Variants in DOCK7 observed in about 807,000 individuals in gnomAD.
DOCK7 encodes the protein dedicator of cytokinesis protein 7.
In DOCK7, 138 loss-of-function variants were observed where a neutral mutation model predicts 271.0. The observed-to-expected ratio is 0.51, with a 90% CI of 0.44 to 0.59. The LOEUF is 0.59. Ranked by LOEUF, DOCK7 falls within the 20% of genes least tolerant of loss-of-function variation. DOCK7 has a pLI of 0.00. For missense variants in DOCK7, 2,066 were observed against 2,592.4 expected (o/e 0.80, Z 4.41); for synonymous variants, 823 against 876.1 (o/e 0.94, Z 1.07).
At chr1:62,529,255 T>G (rs1319415118) in intron 30 of DOCK7, 22 bp downstream of exon 30, 3 of 1,549,800 alleles carry the variant, frequency 1.9e-6, no homozygotes, top group Non-Finnish European at 2.6e-6. Context: ...CCTTTAATAT[T>G]TGCCTTAATT....
intron 43 of DOCK7, chr1:62,483,176 T>TC (rs1646182304): frequency 4.7e-5 from 1 of 21,118 alleles, no homozygotes; most frequent in East Asian, 1.1e-3. Context: ...CCCAGCTAAT[T>TC]TTTTTTTTTT....
At chr1:62,597,291 T>C (rs1020762562) in intron 14 of DOCK7, among the ~76,000 whole-genome samples, 2 of 152,174 alleles carry the variant, frequency 1.3e-5, no homozygotes, top group Non-Finnish European at 2.9e-5. Context: ...CACCATAGCA[T>C]TGAATGTGTA....
chr1:62,466,811 C>T (rs1645690160), intron 48 of DOCK7, among the ~76,000 whole-genome samples: 1 of 152,034 alleles, frequency 6.6e-6, no homozygotes, highest in Admixed American at 6.6e-5. Context: ...ATCCCAGCTA[C>T]TCAGGAGGCT....
intron 10 of DOCK7, 61 bp downstream of exon 10, chr1:62,633,437 T>G: frequency 1.6e-6 from 2 of 1,270,950 alleles, no homozygotes; most frequent in South Asian, 2.5e-5. Flanking sequence ...ATTGGGAGAA[T>G]AGTATTCTCC....
chr1:62,633,516 T>C lies in DOCK7; in HGVS notation c.1098A>G (p.Lys366=). The change falls in exon 10 of 50, where the codon AAA becomes AAG. Residue 366 remains lysine (K), a synonymous_variant. Transcript: ENST00000635253. ...GECAEPYMIF[K]EADATKNKEK... ...ATTCTACCTTGGTGGCATCTGCTTC[T>C]TTGAAAATCATATATGGTTCTGCAC... The C allele has an allele frequency of 1.2e-6, 2 of 1,612,986 alleles. No individual in the cohort carries two copies. Among genetic ancestry groups the C allele is most frequent in the East Asian group, 4.5e-5 (2 of 44,770 alleles).
intron 1 of DOCK7, among the ~76,000 whole-genome samples, chr1:62,672,253 ATACCT>A (rs1247788882): frequency 6.6e-6 from 1 of 152,152 alleles, no homozygotes; most frequent in Non-Finnish European, 1.5e-5. Context: ...TCATTTCTTG[ATACCT>A]TACATTATAC....
At chr1:62,512,313 G>C (rs774281140) in intron 33 of DOCK7, among the ~76,000 whole-genome samples, 1 of 152,182 alleles carries the variant, frequency 6.6e-6, no homozygotes, top group Non-Finnish European at 1.5e-5. Context: ...CTTAGCAACA[G>C]TATTGTCTGT....
At chr1:62,654,643 A>C (rs1657774388) in intron 2 of DOCK7, among the ~76,000 whole-genome samples, 1 of 152,216 alleles carries the variant, frequency 6.6e-6, no homozygotes, top group Non-Finnish European at 1.5e-5. Context: ...ATCCTAACAC[A>C]TGGGCCCTGT....
intron 2 of DOCK7, among the ~76,000 whole-genome samples, chr1:62,654,906 C>T (rs1657812771): frequency 6.6e-6 from 1 of 152,094 alleles, no homozygotes; most frequent in African/African-American, 2.4e-5. Flanking sequence ...TCAAGGAATG[C>T]CAAAGCCATC....
rs17123728 is a variant in DOCK7 at position 62,602,628 on chromosome 1, G to A, written c.1683-16004C>T. 0.053 allele frequency among the ~76,000 whole-genome samples: 8,008 copies of A among 151,282 alleles called. 281 individuals are homozygous for A. The highest frequency in any genetic ancestry group is 0.11 in the Admixed American group (1,646 of 15,170). On this transcript the variant is annotated intron_variant, in intron 14 of 49. Coordinates refer to ENST00000635253, the MANE Select transcript of DOCK7 (RefSeq NM_001367561.1). ...TATACTTATCACAATTTAATTCCACGGCTTACAATGATCATAACTATAATT... is the reference window on the plus strand; with the variant it reads ...TATACTTATCACAATTTAATTCCACAGCTTACAATGATCATAACTATAATT...
chr1:62,657,204 G>C (rs140892086), intron 2 of DOCK7, among the ~76,000 whole-genome samples: 3 of 152,258 alleles, frequency 2.0e-5, no homozygotes, highest in African/African-American at 7.2e-5. Flanking sequence ...GGTGTCAGTG[G>C]TGGCCATGTG....
chr1:62,460,594 C>T (rs961373903), intron 48 of DOCK7, among the ~76,000 whole-genome samples: 2 of 128,098 alleles, frequency 1.6e-5, no homozygotes, highest in Non-Finnish European at 3.2e-5. Flanking sequence ...AAACTTGTGC[C>T]AATGTATTGA....
At chr1:62,644,196 C>T (rs1656361893) in intron 7 of DOCK7, among the ~76,000 whole-genome samples, 1 of 152,132 alleles carries the variant, frequency 6.6e-6, no homozygotes, top group South Asian at 2.1e-4. Context: ...TGCCAGGTAC[C>T]TAGGGCCACT....
chr1:62,519,006 T>TACACACACACAC (rs61224578), intron 31 of DOCK7, among the ~76,000 whole-genome samples: 5,634 of 148,166 alleles, frequency 0.038, 122 homozygotes, highest in South Asian at 0.078. Flanking sequence ...AGTCATGCTA[T>TACACACACACAC]ACACACACAC....
At chr1:62,598,092 A>G in intron 14 of DOCK7, 1 of 1,527,220 alleles carries the variant, frequency 6.5e-7, no homozygotes, top group Non-Finnish European at 8.8e-7. Flanking sequence ...GTTCATGTTT[A>G]TGTTTTCAAT....
Position 62,555,830 on chromosome 1 carries a change from G to A in DOCK7, c.2591C>T (p.Ser864Leu). The change falls in exon 21 of 50, where the codon TCA (serine) becomes TTA (leucine). Residue 864 changes from serine to leucine, a missense_variant. Coordinates refer to ENST00000635253, the MANE Select transcript of DOCK7 (RefSeq NM_001367561.1). ...RLPNTYPNSSSPGPGGLGGSV... is the reference protein window; with the variant it reads ...RLPNTYPNSSLPGPGGLGGSV... ...TAGTAAAAAGAATAAAATACCTGGTGATGATGAATTAGGGTAAGTATTTGG... is the reference window on the plus strand; with the variant it reads ...TAGTAAAAAGAATAAAATACCTGGTAATGATGAATTAGGGTAAGTATTTGG... 1 of 1,607,734 alleles carries A rather than the reference G, an allele frequency of 6.2e-7. No individual in the cohort carries two copies. The highest frequency in any genetic ancestry group is 1.1e-5 in the South Asian group (1 of 89,992).
chr1:62,557,540 C>T (rs942340772), intron 20 of DOCK7, among the ~76,000 whole-genome samples: 4 of 148,200 alleles, frequency 2.7e-5, no homozygotes, highest in African/African-American at 1.0e-4. Flanking sequence ...TCTTAATTCC[C>T]TGTAATCTGG....
chr1:62,582,326 G>A (rs1044554451), intron 16 of DOCK7, among the ~76,000 whole-genome samples: 7 of 151,498 alleles, frequency 4.6e-5, no homozygotes, highest in Non-Finnish European at 7.4e-5. Context: ...CGAGGCGGGC[G>A]GATCACGAGG....
chr1:62,542,568 A>C (rs1308639626), intron 25 of DOCK7, 40 bp downstream of exon 25: 1 of 1,567,842 alleles, frequency 6.4e-7, no homozygotes, highest in African/African-American at 1.4e-5. Flanking sequence ...TTGTTCACTA[A>C]GAGAAAAAAT....
Sources: gnomAD v4.1 joint callset for allele counts (sites outside exome capture counted in the v4.1 genomes callset) on GRCh38, gnomAD v4.1.1 for gene constraint, MANE v1.5 for transcripts, NCBI Gene and HGNC (gene_info 2026-07-23, HGNC 2026-07-21) for gene names.